The following FRS2 variants were observed in gnomAD, a reference collection of about 807,000 sequenced individuals.
The protein encoded by FRS2 is fibroblast growth factor receptor substrate 2.
FRS2 carries 8 observed loss-of-function variants against 43.9 expected under a neutral mutation model. The ratio of observed to expected loss-of-function variants is 0.18; its 90% CI spans 0.11 to 0.33. FRS2 has a LOEUF of 0.33. Ranked by LOEUF, FRS2 falls within the 10% of genes least tolerant of loss-of-function variation. FRS2 has a pLI of 1.00. For missense variants in FRS2, 534 were observed against 627.6 expected (o/e 0.85, Z 1.59); for synonymous variants, 219 against 220.3 (o/e 0.99, Z 0.05).
chr12:69,520,734 G>A (rs553585156), intron 1 of FRS2, among the ~76,000 whole-genome samples: 79 of 151,886 alleles, frequency 5.2e-4, no homozygotes, highest in Non-Finnish European at 1.0e-3. Context: ...GTAGTTGTGC[G>A]GCCGTATTTT....
intron 1 of FRS2, among the ~76,000 whole-genome samples, chr12:69,497,138 G>A (rs1014563537): frequency 1.1e-4 from 16 of 152,166 alleles, no homozygotes; most frequent in African/African-American, 3.9e-4. Flanking sequence ...AGTGAGCAAA[G>A]CAAAGTTCCT....
At chr12:69,567,001 T>C (rs1447386826) in intron 4 of FRS2, among the ~76,000 whole-genome samples, 1 of 152,216 alleles carries the variant, frequency 6.6e-6, no homozygotes, top group Non-Finnish European at 1.5e-5. Flanking sequence ...TATTTCTCTT[T>C]ATTTTGCTTA....
intron 1 of FRS2, among the ~76,000 whole-genome samples, chr12:69,521,904 G>A (rs1250682061): frequency 7.2e-5 from 11 of 152,126 alleles, no homozygotes; most frequent in African/African-American, 2.4e-4. Flanking sequence ...GTGAGCCACC[G>A]CGCCCAGCCT....
intron 1 of FRS2, among the ~76,000 whole-genome samples, chr12:69,517,843 C>T (rs1426654889): frequency 2.0e-5 from 3 of 152,064 alleles, no homozygotes; most frequent in African/African-American, 7.2e-5. Flanking sequence ...TCATAAGCTA[C>T]TTCATTTTCT....
At chr12:69,572,825 GA>G (rs1483456816) in intron 8 of FRS2, among the ~76,000 whole-genome samples, 1 of 152,136 alleles carries the variant, frequency 6.6e-6, no homozygotes, top group East Asian at 1.9e-4. Context: ...TTTACATAAT[GA>G]GTTGTTATAT....
At chr12:69,566,111 T>C (rs1880272704) in intron 4 of FRS2, among the ~76,000 whole-genome samples, 1 of 152,162 alleles carries the variant, frequency 6.6e-6, no homozygotes, top group South Asian at 2.1e-4. Flanking sequence ...ACCACTGTCA[T>C]ATATGTAGTC....
At chr12:69,540,887 C>T (rs1027000324) in intron 3 of FRS2, among the ~76,000 whole-genome samples, 16 of 152,132 alleles carry the variant, frequency 1.1e-4, no homozygotes, top group African/African-American at 3.9e-4. Flanking sequence ...GTCCAAATCC[C>T]ATACTCCCAG....
intron 1 of FRS2, among the ~76,000 whole-genome samples, chr12:69,478,750 G>GTGTGTT (rs1871083709): frequency 6.7e-6 from 1 of 149,590 alleles, no homozygotes; most frequent in African/African-American, 2.5e-5. Flanking sequence ...GTGTGTGTGT[G>GTGTGTT]TGTGTGTGTG....
chr12:69,545,624 G>A (rs1284340184), intron 3 of FRS2, among the ~76,000 whole-genome samples: 1 of 151,970 alleles, frequency 6.6e-6, no homozygotes, highest in Non-Finnish European at 1.5e-5. Context: ...GGGTGTGGTG[G>A]CAGACGCCTG....
chr12:69,543,966 T>C (rs1789029685), intron 3 of FRS2, among the ~76,000 whole-genome samples: 1 of 151,938 alleles, frequency 6.6e-6, no homozygotes, highest in African/African-American at 2.4e-5. Context: ...GGGGGAGCCA[T>C]TGCAGGCCTT....
chr12:69,486,325 T>C (rs1463804386), intron 1 of FRS2: 1 of 152,204 alleles, frequency 6.6e-6, no homozygotes, highest in Non-Finnish European at 1.5e-5. Flanking sequence ...TCAAACTTTT[T>C]ATCATTATTA....
At chr12:69,539,986 G>A (rs1019247436) in intron 3 of FRS2, among the ~76,000 whole-genome samples, 26 of 148,912 alleles carry the variant, frequency 1.7e-4, no homozygotes, top group African/African-American at 6.4e-4. Context: ...GGGTGTGGTG[G>A]CTCACGCCTG....
At chr12:69,536,537 T>C (rs1877329319) in intron 3 of FRS2, among the ~76,000 whole-genome samples, 1 of 152,040 alleles carries the variant, frequency 6.6e-6, no homozygotes, top group Non-Finnish European at 1.5e-5. Flanking sequence ...TGGAGAACTT[T>C]AGTCAATTGT....
intron 1 of FRS2, among the ~76,000 whole-genome samples, chr12:69,475,484 C>G (rs987053006): frequency 6.6e-6 from 1 of 152,130 alleles, no homozygotes; most frequent in African/African-American, 2.4e-5. Context: ...GAGTACACCC[C>G]TCACTCCCTC....
At chr12:69,503,966 A>C (rs1873696173) in intron 1 of FRS2, among the ~76,000 whole-genome samples, 1 of 152,140 alleles carries the variant, frequency 6.6e-6, no homozygotes, top group Non-Finnish European at 1.5e-5. Context: ...CACTTTGGGA[A>C]GCCGAGGTGG....
At chr12:69,517,902 A>G (rs1284231821) in intron 1 of FRS2, among the ~76,000 whole-genome samples, 1 of 152,146 alleles carries the variant, frequency 6.6e-6, no homozygotes, top group African/African-American at 2.4e-5. Context: ...CCCCCACTCT[A>G]AAAATATGTT....
At chr12:69,508,087 A>C (rs1372125973) in intron 1 of FRS2, among the ~76,000 whole-genome samples, 4 of 149,626 alleles carry the variant, frequency 2.7e-5, no homozygotes, top group African/African-American at 4.9e-5. Context: ...TGCAGATAAG[A>C]TAATAAGATT....
intron 3 of FRS2, among the ~76,000 whole-genome samples, chr12:69,551,365 C>T (rs917982538): frequency 1.9e-5 from 2 of 105,640 alleles, no homozygotes; most frequent in Admixed American, 9.3e-5. Context: ...AACAAACAAA[C>T]AAACAAACCC....
At chr12:69,536,703 T>C (rs149518362) in intron 3 of FRS2, among the ~76,000 whole-genome samples, 2,189 of 152,148 alleles carry the variant, frequency 0.014, 37 homozygotes, top group Middle Eastern at 0.058. Context: ...CTCAAGTAGC[T>C]GGGACCACAG....
Sources: gnomAD v4.1 joint callset for allele counts (sites outside exome capture counted in the v4.1 genomes callset) on GRCh38, gnomAD v4.1.1 for gene constraint, MANE v1.5 for transcripts, NCBI Gene and HGNC (gene_info 2026-07-23, HGNC 2026-07-21) for gene names.